FPR3: variants seen among roughly 807,000 people sequenced by gnomAD.
FPR3 encodes the protein N-formyl peptide receptor 3.
For missense variants in FPR3, 346 were observed against 443.2 expected (o/e 0.78, Z 1.97); for synonymous variants, 135 against 163.6 (o/e 0.83, Z 1.34).
At chr19:51,815,061 C>G (rs1026924634) in intron 1 of FPR3, among the ~76,000 whole-genome samples, 1 of 152,126 alleles carries the variant, frequency 6.6e-6, no homozygotes, top group Non-Finnish European at 1.5e-5. Flanking sequence ...CCGCCCACCT[C>G]GGCCTCCCAA....
intron 1 of FPR3, among the ~76,000 whole-genome samples, chr19:51,809,457 G>A (rs1027689003): frequency 4.1e-4 from 63 of 152,296 alleles, no homozygotes; most frequent in African/African-American, 1.4e-3. Flanking sequence ...TATGGGTTGG[G>A]ATAGATAGAT....
intron 1 of FPR3, among the ~76,000 whole-genome samples, chr19:51,818,255 G>T (rs1320626899): frequency 6.6e-6 from 1 of 152,172 alleles, no homozygotes; most frequent in Non-Finnish European, 1.5e-5. Context: ...CTGATTAAAT[G>T]TTCCAATGAT....
chr19:51,814,631 C>A (rs1414054831), intron 1 of FPR3, among the ~76,000 whole-genome samples: 7 of 151,964 alleles, frequency 4.6e-5, no homozygotes, highest in African/African-American at 1.7e-4. Context: ...GCAGCTGGGA[C>A]TACAGGCATG....
intron 1 of FPR3, among the ~76,000 whole-genome samples, chr19:51,813,708 G>A (rs751461927): frequency 5.9e-5 from 9 of 152,048 alleles, no homozygotes; most frequent in Non-Finnish European, 8.8e-5. Context: ...TTTTGCTTTT[G>A]TATTTTTAGT....
intron 1 of FPR3, among the ~76,000 whole-genome samples, chr19:51,809,242 C>T (rs951655984): frequency 3.9e-5 from 6 of 152,346 alleles, no homozygotes; most frequent in Admixed American, 1.3e-4. Flanking sequence ...GACTGTCCAT[C>T]TGGACCAAGA....
intron 1 of FPR3, among the ~76,000 whole-genome samples, chr19:51,823,397 A>T (rs2084205137): frequency 6.6e-6 from 1 of 151,954 alleles, no homozygotes; most frequent in African/African-American, 2.4e-5. Context: ...GAACCTTCTG[A>T]CTCTGAGTCT....
rs114943084 is a variant in FPR3, at chr19:51,825,118, C to T, written c.*308C>T. The T allele has an allele frequency of 3.3e-3, 923 of 281,940 alleles. 8 individuals are homozygous for T. The highest frequency in any genetic ancestry group is 0.019 in the African/African-American group (880 of 45,254). The allele number at this position is 281,940 out of a possible 1,614,324, so 17.5% of individuals were successfully genotyped here. ...TCACAAATCCAGGCTTCTGAAACTT[C>T]GGACCAACCAGCTTCAATCAGGGTT... On this transcript the variant is annotated 3_prime_UTR_variant, in exon 2 of 2. Coordinates refer to ENST00000339223, the MANE Select transcript of FPR3 (RefSeq NM_002030.5).
intron 1 of FPR3, among the ~76,000 whole-genome samples, chr19:51,821,255 G>A (rs548823896): frequency 6.6e-6 from 1 of 152,318 alleles, no homozygotes; most frequent in Admixed American, 6.5e-5. Flanking sequence ...TTGGCAAGGT[G>A]CCAACGATAA....
In FPR3 at chr19:51,824,086, T is replaced by A; in HGVS notation, c.338T>A (p.Val113Asp). The A allele has an allele frequency of 6.2e-7, 1 of 1,614,156 alleles. No homozygotes were observed. Among genetic ancestry groups the A allele is most frequent in the Non-Finnish European group, 8.5e-7 (1 of 1,179,996 alleles). The change falls in exon 2 of 2, where the codon GTC becomes GAC. Residue 113 changes from valine to aspartate, a missense_variant. Physicochemically the swap from Val to Asp is radical, Grantham distance 152. Coordinates refer to ENST00000339223, the MANE Select transcript of FPR3 (RefSeq NM_002030.5). This position sits in a 1 kb window ranked among gnomAD's most constrained non-coding sequence, Gnocchi z 4.7. Reference sequence around the variant, plus strand: ...ATAGACATCAACCTGTTTGTCAGTGTCTACCTGATCACCATCATTGCTCTG... The same window carrying A: ...ATAGACATCAACCTGTTTGTCAGTGACTACCTGATCACCATCATTGCTCTG... ...VMIDINLFVSVYLITIIALDR... is the reference protein window; with the variant it reads ...VMIDINLFVSDYLITIIALDR...
intron 1 of FPR3, among the ~76,000 whole-genome samples, chr19:51,797,860 T>C (rs2084008547): frequency 6.8e-6 from 1 of 146,780 alleles, no homozygotes; most frequent in Non-Finnish European, 1.5e-5. Context: ...CTATCCTAGA[T>C]GATTTCCATG....
chr19:51,824,101 T>C lies in FPR3; in HGVS notation c.353T>C (p.Ile118Thr), dbSNP rs752241328. Residue 118 changes from isoleucine to threonine, a missense_variant, in exon 2 of 2, where the codon ATC (isoleucine) becomes ACC (threonine). By Grantham distance (89) the Ile-to-Thr change is moderately conservative. Transcript: ENST00000339223. This position sits in a 1 kb window ranked among gnomAD's most constrained non-coding sequence, Gnocchi z 4.7. ...TTTGTCAGTGTCTACCTGATCACCA[T>C]CATTGCTCTGGACCGCTGTATTTGT... ...NLFVSVYLIT[I>T]IALDRCICVL... 6.2e-7 allele frequency: 1 copy of C among 1,614,122 alleles called. No homozygotes were observed. Among genetic ancestry groups the C allele is most frequent in the Non-Finnish European group, 8.5e-7 (1 of 1,179,986 alleles).
chr19:51,800,024 G>A (rs554539716), intron 1 of FPR3, among the ~76,000 whole-genome samples: 7 of 152,330 alleles, frequency 4.6e-5, no homozygotes, highest in South Asian at 4.1e-4. Flanking sequence ...GGGGAGCAGC[G>A]ATTCCACCAT....
At chr19:51,801,569 T>A (rs1161327792) in intron 1 of FPR3, among the ~76,000 whole-genome samples, 1 of 152,024 alleles carries the variant, frequency 6.6e-6, no homozygotes, top group Non-Finnish European at 1.5e-5. Context: ...TCACCTGAGG[T>A]CAAGAGTTCG....
intron 1 of FPR3, among the ~76,000 whole-genome samples, chr19:51,805,692 T>C (rs73579492): frequency 0.031 from 4,727 of 152,308 alleles, 261 homozygotes; most frequent in African/African-American, 0.11. Flanking sequence ...CCTCGCTTGG[T>C]TGGCTGTACG....
At position 51,825,816 on chromosome 19, in the gene FPR3, C is replaced by A. The variant is rs2084228461; in HGVS notation, c.*1006C>A. On this transcript the variant is annotated 3_prime_UTR_variant, in exon 2 of 2. Coordinates refer to ENST00000339223, the MANE Select transcript of FPR3 (RefSeq NM_002030.5). ...TTCATGTCTGGACCTCAGCCTATAT[C>A]CTGAGACTAAGTGGAAGTGGGAAAA... is the stretch of plus-strand genomic sequence containing the variant. 1 of 166,994 alleles carries A rather than the reference C, an allele frequency of 6.0e-6. No individual in the cohort carries two copies. Among genetic ancestry groups the A allele is most frequent in the Non-Finnish European group, 1.5e-5 (1 of 68,110 alleles). 10.3% of individuals were successfully genotyped at this position (166,994 alleles called of 1,614,324 possible).
chr19:51,824,815 G>C lies in FPR3; in HGVS notation c.*5G>C. On this transcript the variant is annotated 3_prime_UTR_variant, in exon 2 of 2. Transcript: ENST00000339223. This position sits in a 1 kb window ranked among gnomAD's most constrained non-coding sequence, Gnocchi z 4.7. ...ACGGAGTTACAAGCAATGTGAGGTCGGGGATATTTTTGGGCTCTGTCTCTT... is the reference window on the plus strand; with the variant it reads ...ACGGAGTTACAAGCAATGTGAGGTCCGGGATATTTTTGGGCTCTGTCTCTT... 1 of 1,597,888 alleles carries C rather than the reference G, an allele frequency of 6.3e-7. No individual in the cohort carries two copies. The highest frequency in any genetic ancestry group is 8.5e-7 in the Non-Finnish European group (1 of 1,171,066).
At chr19:51,811,619 C>T (rs981654422) in intron 1 of FPR3, 1 of 152,218 alleles carries the variant, frequency 6.6e-6, no homozygotes, top group Non-Finnish European at 1.5e-5. Context: ...TGTAGAGCCC[C>T]TGATTCTGTC....
At chr19:51,798,331 C>T (rs1262140030) in intron 1 of FPR3, among the ~76,000 whole-genome samples, 4 of 152,008 alleles carry the variant, frequency 2.6e-5, no homozygotes, top group Non-Finnish European at 4.4e-5. Flanking sequence ...CCAGGGGTGC[C>T]GCTAAACATC....
At chr19:51,815,281 G>A (rs2084127047) in intron 1 of FPR3, among the ~76,000 whole-genome samples, 1 of 152,014 alleles carries the variant, frequency 6.6e-6, no homozygotes, top group South Asian at 2.1e-4. Context: ...AAAAATGTTG[G>A]CTGGGTGCAG....
Sources: gnomAD v4.1 joint callset for allele counts (sites outside exome capture counted in the v4.1 genomes callset) on GRCh38, gnomAD v4.1.1 for gene constraint, Gnocchi (gnomAD v3.1) non-coding constraint, MANE v1.5 for transcripts, NCBI Gene and HGNC (gene_info 2026-07-23, HGNC 2026-07-21) for gene names.